Variants in MON2 observed in about 807,000 individuals in gnomAD.
MON2 encodes MON2 regulator of endosome-to-Golgi trafficking, also known as protein MON2 homolog.
Under a neutral mutation model 208.6 loss-of-function variants are expected in MON2, and 84 were observed. That is an observed-to-expected ratio of 0.40 (90% CI 0.34 to 0.48). The LOEUF (loss-of-function observed/expected upper bound fraction) is 0.48. Among genes scored for constraint, MON2 ranks in the 20% least tolerant of loss-of-function variants. MON2 has a pLI of 0.59. For synonymous variants in MON2, 660 were observed against 694.0 expected, an observed-to-expected ratio of 0.95 and a Z score of 0.77; for missense variants, 1,611 against 2,015.4, an observed-to-expected ratio of 0.80 and a Z score of 3.84.
At chr12:62,561,177 T>G in intron 26 of MON2, 64 bp downstream of exon 26, 1 of 1,376,380 alleles carries the variant, frequency 7.3e-7, no homozygotes, top group Non-Finnish European at 9.8e-7. Flanking sequence ...TTTATTTTGC[T>G]ATATATTTGC....
chr12:62,510,257 T>C (rs1472544889), intron 8 of MON2, among the ~76,000 whole-genome samples: 2 of 152,092 alleles, frequency 1.3e-5, no homozygotes, highest in Non-Finnish European at 2.9e-5. Flanking sequence ...CTCCAAAGAA[T>C]TGAAGAGGAG....
At chr12:62,583,747 G>T (rs189307276) in intron 32 of MON2, among the ~76,000 whole-genome samples, 1 of 150,582 alleles carries the variant, frequency 6.6e-6, no homozygotes, top group Admixed American at 6.6e-5. Context: ...TCAAGAGTTC[G>T]AGACTGTCCT....
At chr12:62,582,619 C>T (rs953755324) in intron 32 of MON2, among the ~76,000 whole-genome samples, 2 of 152,006 alleles carry the variant, frequency 1.3e-5, no homozygotes, top group African/African-American at 2.4e-5. Flanking sequence ...ATTCCCAGGA[C>T]CTCAGTTTTT....
In MON2 at chr12:62,483,571, C is replaced by T. The variant is rs538664940; in HGVS notation, c.112-599C>T. Among the ~76,000 whole-genome samples the T allele has an allele frequency of 1.2e-4, 18 of 152,180 alleles. 1 individual carries two copies. In the East Asian group the frequency reaches 3.3e-3, roughly 28 times the overall value. On this transcript the variant is annotated intron_variant, in intron 1 of 34. Transcript: ENST00000393630. Reference sequence around the variant, plus strand: ...ACTCTACTAAAAATACAAAAATTAGCCAGGCATGGTGGTGGGTGCCTGTAA... The same window carrying T: ...ACTCTACTAAAAATACAAAAATTAGTCAGGCATGGTGGTGGGTGCCTGTAA...
rs2075535868 is a variant in MON2 at position 62,596,797 on chromosome 12, CAGAA to C, written c.*4052_*4055del. On this transcript the variant is annotated 3_prime_UTR_variant, in exon 35 of 35. Transcript: ENST00000393630. ...TTTGAATGAAAAGTGTTTATAGATT[CAGAA>C]AGAGAGATGATATCTTTGTATCTTG... 1 of 152,122 alleles carries C rather than the reference CAGAA, an allele frequency of 6.6e-6. No individual in the cohort carries two copies. Among genetic ancestry groups the C allele is most frequent in the African/African-American group, 2.4e-5 (1 of 41,416 alleles). The allele number at this position is 152,122 out of a possible 1,614,324, so 9.4% of individuals were successfully genotyped here.
chr12:62,537,365 C>G, intron 15 of MON2, 102 bp downstream of exon 15: 1 of 829,232 alleles, frequency 1.2e-6, no homozygotes. Flanking sequence ...TATTTACTTT[C>G]TTTTACTAGA....
chr12:62,492,819 A>T, intron 2 of MON2, among the ~76,000 whole-genome samples: 1 of 151,454 alleles, frequency 6.6e-6, no homozygotes, highest in East Asian at 2.0e-4. Flanking sequence ...TCTCTACTAA[A>T]AATACAAAAA....
At chr12:62,571,101 A>G (rs556048205) in intron 29 of MON2, among the ~76,000 whole-genome samples, 1 of 152,196 alleles carries the variant, frequency 6.6e-6, no homozygotes, top group East Asian at 1.9e-4. Flanking sequence ...AACTTTTCAG[A>G]TAATATCCCT....
intron 1 of MON2, among the ~76,000 whole-genome samples, chr12:62,475,282 G>C (rs918222638): frequency 6.6e-6 from 1 of 151,922 alleles, no homozygotes; most frequent in African/African-American, 2.4e-5. Context: ...TCTTGCCCAG[G>C]CTGGAGTGTA....
At chr12:62,585,218 A>G in intron 32 of MON2, 76 bp from the exon 33 acceptor site, 1 of 1,135,668 alleles carries the variant, frequency 8.8e-7, no homozygotes, top group Non-Finnish European at 1.3e-6. Context: ...CTCTATTCCT[A>G]GTTTGCTAAG....
At chr12:62,567,355 C>T (rs1455716625) in intron 29 of MON2, among the ~76,000 whole-genome samples, 1 of 152,198 alleles carries the variant, frequency 6.6e-6, no homozygotes, top group South Asian at 2.1e-4. Flanking sequence ...GTACTTACTA[C>T]TCAAATTGTC....
At position 62,600,103 on chromosome 12, in the gene MON2, G is replaced by A. The variant is rs1055854303; in HGVS notation, c.*7354G>A. 2 of 152,190 alleles carry A rather than the reference G, an allele frequency of 1.3e-5. No individual in the cohort carries two copies. The highest frequency in any genetic ancestry group is 4.8e-5 in the African/African-American group (2 of 41,452). The allele number at this position is 152,190 out of a possible 1,614,324, so 9.4% of individuals were successfully genotyped here. A position where few individuals can be genotyped will look rare whatever the true frequency, so the allele number is the denominator to read the frequency against. On this transcript the variant is annotated 3_prime_UTR_variant, in exon 35 of 35. Transcript: ENST00000393630. ...TGACCTTGGGCAAGTTAATTAACCT[G>A]TTTTGGTGTCCTCCTCTGTGAAATG...
chr12:62,538,193 C>G lies in MON2; in HGVS notation c.2199+17C>G, dbSNP rs577994868. On this transcript the variant is annotated intron_variant, in intron 17 of 34. Coordinates refer to ENST00000393630, the MANE Select transcript of MON2 (RefSeq NM_015026.3). Reference sequence around the variant, plus strand: ...CCCAGTACAGTAAGCTCTAGTCTTTCTTACCCAATTAGTGCATCCCAAAGT... The same window carrying G: ...CCCAGTACAGTAAGCTCTAGTCTTTGTTACCCAATTAGTGCATCCCAAAGT... 1.9e-5 allele frequency: 30 copies of G among 1,612,688 alleles called. No individual in the cohort carries two copies. The South Asian group carries it at 3.3e-4, about 18-fold the overall frequency.
chr12:62,485,627 T>A (rs2069727159), intron 2 of MON2, among the ~76,000 whole-genome samples: 1 of 152,150 alleles, frequency 6.6e-6, no homozygotes, highest in South Asian at 2.1e-4. Flanking sequence ...TGAGAAGTGG[T>A]ATAGTGAAAG....
At chr12:62,511,465 T>C (rs1189474810) in intron 8 of MON2, among the ~76,000 whole-genome samples, 1 of 152,132 alleles carries the variant, frequency 6.6e-6, no homozygotes, top group African/African-American at 2.4e-5. Context: ...CTCTCATATA[T>C]ATGGTCAAGT....
chr12:62,543,735 G>A (rs2073347889), intron 20 of MON2, among the ~76,000 whole-genome samples: 2 of 152,042 alleles, frequency 1.3e-5, no homozygotes, highest in Admixed American at 1.3e-4. Flanking sequence ...AGCCTCCCGA[G>A]TAGCTGGGAT....
chr12:62,526,229 C>T lies in MON2; in HGVS notation c.1400+127C>T, dbSNP rs2072322714. Reference sequence around the variant, plus strand: ...TCTAAGGTATTTTAGAGCTCATTTTCTTTCGTCATATTTTGAAAATTGTAT... The same window carrying T: ...TCTAAGGTATTTTAGAGCTCATTTTTTTTCGTCATATTTTGAAAATTGTAT... On this transcript the variant is annotated intron_variant, in intron 11 of 34. Coordinates refer to ENST00000393630, the MANE Select transcript of MON2 (RefSeq NM_015026.3). The T allele has an allele frequency of 3.4e-6, 3 of 883,652 alleles. No homozygotes were observed. In the African/African-American group the frequency reaches 5.2e-5, roughly 15 times the overall value. The allele number at this position is 883,652 out of a possible 1,614,324, so 54.7% of individuals were successfully genotyped here.
Position 62,532,488 on chromosome 12 carries a change from C to A in MON2, c.1451C>A (p.Ala484Asp), listed in dbSNP as rs2072702402. 5.6e-6 allele frequency: 9 copies of A among 1,614,096 alleles called. No homozygotes were observed. Among genetic ancestry groups the A allele is most frequent in the Non-Finnish European group, 7.6e-6 (9 of 1,179,992 alleles). The change falls in exon 12 of 35, where the codon GCC (alanine) becomes GAC (aspartate). Residue 484 changes from alanine to aspartate, a missense_variant. Physicochemically the swap from Ala to Asp is moderately radical, Grantham distance 126. Coordinates refer to ENST00000393630, the MANE Select transcript of MON2 (RefSeq NM_015026.3). ...CCTCCAACTATACCTGAAGGTTACGCCATGTCTGTGGCATTCCATTGTTTG... is the reference window on the plus strand; with the variant it reads ...CCTCCAACTATACCTGAAGGTTACGACATGTCTGTGGCATTCCATTGTTTG... The part of the protein sequence containing the change: ...VEPPTIPEGY[A>D]MSVAFHCLLD...
At chr12:62,513,904 C>T (rs1457589061) in intron 8 of MON2, among the ~76,000 whole-genome samples, 5 of 145,790 alleles carry the variant, frequency 3.4e-5, no homozygotes, top group African/African-American at 1.2e-4. Flanking sequence ...GAGCCGAGAT[C>T]GCTCCACTGC....
Sources: gnomAD v4.1 joint callset for allele counts (sites outside exome capture counted in the v4.1 genomes callset) on GRCh38, gnomAD v4.1.1 for gene constraint, MANE v1.5 for transcripts, NCBI Gene and HGNC (gene_info 2026-07-23, HGNC 2026-07-21) for gene names.